PRKCQ: variants seen among roughly 807,000 people sequenced by gnomAD.
The protein encoded by PRKCQ is protein kinase C theta type.
A neutral mutation model predicts 91.2 loss-of-function variants in PRKCQ; 41 were observed. The ratio of observed to expected loss-of-function variants is 0.45; its 90% CI spans 0.35 to 0.58. The LOEUF is 0.58. Among genes scored for constraint, PRKCQ ranks in the 20% least tolerant of loss-of-function variants. The pLI is 0.00. For synonymous variants in PRKCQ, 307 were observed against 316.9 expected (o/e 0.97, Z 0.33); for missense variants, 673 against 896.5 (o/e 0.75, Z 3.18).
intron 12 of PRKCQ, among the ~76,000 whole-genome samples, chr10:6,472,923 G>A (rs1564329599): frequency 6.6e-6 from 1 of 152,184 alleles, no homozygotes; most frequent in Non-Finnish European, 1.5e-5. Context: ...ATGTTGGCCA[G>A]GCTGGTCTCA....
At chr10:6,542,752 C>T (rs1839819753) in intron 1 of PRKCQ, among the ~76,000 whole-genome samples, 1 of 152,090 alleles carries the variant, frequency 6.6e-6, no homozygotes, top group African/African-American at 2.4e-5. Flanking sequence ...TACGAGGTCT[C>T]TTGCCTGCTT....
At chr10:6,481,163 G>A (rs1886050) in intron 11 of PRKCQ, among the ~76,000 whole-genome samples, 45,863 of 152,100 alleles carry the variant, frequency 0.3, 7,316 homozygotes, top group South Asian at 0.44. Flanking sequence ...GACATGGAGT[G>A]GGGGAAACCT....
At chr10:6,428,841 T>C (rs1481788338) in intron 17 of PRKCQ, among the ~76,000 whole-genome samples, 1 of 152,194 alleles carries the variant, frequency 6.6e-6, no homozygotes, top group African/African-American at 2.4e-5. Flanking sequence ...TTGGCTGTTG[T>C]CAGTCCCCTG....
chr10:6,568,689 G>A (rs542729399), intron 1 of PRKCQ, among the ~76,000 whole-genome samples: 54 of 152,012 alleles, frequency 3.6e-4, no homozygotes, highest in African/African-American at 1.1e-3. Context: ...TAGTAGAGAC[G>A]GGGTTTCACT....
the PRKCQ span, among the ~76,000 whole-genome samples, chr10:6,400,254 T>C: frequency 6.6e-6 from 1 of 152,362 alleles, no homozygotes; most frequent in African/African-American, 2.4e-5. Context: ...CTATGTAATT[T>C]ACTTGTTTGC....
the PRKCQ span, among the ~76,000 whole-genome samples, chr10:6,409,614 A>G: frequency 6.6e-6 from 1 of 152,092 alleles, no homozygotes; most frequent in Non-Finnish European, 1.5e-5. Context: ...TTTTACATAC[A>G]CTTTCTGGAA....
intron 7 of PRKCQ, among the ~76,000 whole-genome samples, chr10:6,492,642 G>A (rs1464077113): frequency 2.0e-5 from 3 of 152,176 alleles, no homozygotes; most frequent in African/African-American, 2.4e-5. Context: ...AGGGAGAGGG[G>A]AGTGGGAGAG....
chr10:6,404,718 T>G, the PRKCQ span, among the ~76,000 whole-genome samples: 16 of 149,304 alleles, frequency 1.1e-4, no homozygotes, highest in East Asian at 3.1e-3. Flanking sequence ...TCTTTCTCTC[T>G]CTCTCCTTCC....
At chr10:6,409,214 G>A in the PRKCQ span, among the ~76,000 whole-genome samples, 1 of 152,226 alleles carries the variant, frequency 6.6e-6, no homozygotes, top group East Asian at 1.9e-4. Flanking sequence ...TGTTGCTTGT[G>A]ACCTTATAGA....
At chr10:6,533,512 C>T (rs11817744) in intron 1 of PRKCQ, among the ~76,000 whole-genome samples, 19 of 152,212 alleles carry the variant, frequency 1.2e-4, no homozygotes, top group East Asian at 7.7e-4. Flanking sequence ...TCACTCCTGA[C>T]GCTGTACATT....
intron 1 of PRKCQ, among the ~76,000 whole-genome samples, chr10:6,537,221 A>C (rs1311197765): frequency 6.6e-6 from 1 of 152,172 alleles, no homozygotes; most frequent in African/African-American, 2.4e-5. Context: ...ATAAAATTTC[A>C]TCTTGTTCTA....
At position 6,430,825 on chromosome 10, in the gene PRKCQ, C is replaced by G. The variant is rs376221125; in HGVS notation, c.1950G>C (p.Pro650=). The G allele has an allele frequency of 2.5e-6, 4 of 1,614,014 alleles. No individual in the cohort carries two copies. The Admixed American group carries it at 5.0e-5, about 20-fold the overall frequency. Residue 650 remains proline, a synonymous_variant, in exon 17 of 18, where the codon CCG becomes CCC. Coordinates refer to ENST00000263125, the MANE Select transcript of PRKCQ (RefSeq NM_006257.5). The surrounding 1 kb of genome is among the most constrained non-coding windows in gnomAD (Gnocchi z 4.7). The part of the protein sequence containing the change: ...EELERKEIDP[P]FRPKVKSPFD... ...GAGTCCTTACCACTTTCGGCCGGAA[C>G]GGTGGGTCAATCTCCTTCCGTTCAA... is the stretch of plus-strand genomic sequence containing the variant.
At chr10:6,476,656 A>T (rs1836285894) in intron 12 of PRKCQ, among the ~76,000 whole-genome samples, 1 of 152,246 alleles carries the variant, frequency 6.6e-6, no homozygotes, top group Non-Finnish European at 1.5e-5. Context: ...TAAATCTGTC[A>T]TTGGGTATTT....
intron 15 of PRKCQ, among the ~76,000 whole-genome samples, chr10:6,443,700 C>T (rs1249242423): frequency 6.6e-6 from 1 of 152,148 alleles, no homozygotes; most frequent in African/African-American, 2.4e-5. Flanking sequence ...GTGGTACCTC[C>T]ACACAGAGGA....
chr10:6,412,807 G>T, the PRKCQ span, among the ~76,000 whole-genome samples: 1 of 152,216 alleles, frequency 6.6e-6, no homozygotes, highest in African/African-American at 2.4e-5. Flanking sequence ...GGTTACAAGT[G>T]ACTTGAGTTA....
intron 12 of PRKCQ, among the ~76,000 whole-genome samples, chr10:6,470,488 C>T (rs183789143): frequency 1.3e-5 from 2 of 152,338 alleles, no homozygotes; most frequent in Admixed American, 1.3e-4. Context: ...AAACTCCACT[C>T]TGCTCCACTT....
rs536855210 is a variant in PRKCQ, at chr10:6,447,280, G to A, written c.1648-5199C>T. 1.3e-4 allele frequency among the ~76,000 whole-genome samples: 20 copies of A among 151,896 alleles called. 1 individual carries two copies. In the South Asian group the frequency reaches 2.1e-3, roughly 16 times the overall value. ...AAATTAGCCGGGCATGGTGGCACGC[G>A]CCTGTAGTCCCAGCTACTCGGGAGG... On this transcript the variant is annotated intron_variant, in intron 15 of 17. Transcript: ENST00000263125.
At chr10:6,416,520 A>G in the PRKCQ span, among the ~76,000 whole-genome samples, 1 of 152,144 alleles carries the variant, frequency 6.6e-6, no homozygotes, top group South Asian at 2.1e-4. Context: ...AGCTCCATCC[A>G]AGTTGCTGCA....
At chr10:6,444,638 T>G (rs1239019975) in intron 15 of PRKCQ, among the ~76,000 whole-genome samples, 3 of 152,122 alleles carry the variant, frequency 2.0e-5, no homozygotes, top group Admixed American at 1.3e-4. Context: ...CTCTTGGGGA[T>G]GAACATCTGT....
Sources: gnomAD v4.1 joint callset for allele counts (sites outside exome capture counted in the v4.1 genomes callset) on GRCh38, gnomAD v4.1.1 for gene constraint, Gnocchi (gnomAD v3.1) non-coding constraint, MANE v1.5 for transcripts, NCBI Gene and HGNC (gene_info 2026-07-23, HGNC 2026-07-21) for gene names.